TTK: variants seen among roughly 807,000 people sequenced by gnomAD.
TTK encodes TTK protein kinase, also known as dual specificity protein kinase TTK.
Under a neutral mutation model 117.3 loss-of-function variants are expected in TTK, and 59 were observed. That is an observed-to-expected ratio of 0.50 (90% CI 0.41 to 0.62). TTK has a LOEUF of 0.62. Ranked by LOEUF, TTK falls within the 20% of genes least tolerant of loss-of-function variation. The pLI is 0.00. For synonymous variants in TTK, 302 were observed against 325.0 expected (o/e 0.93, Z 0.76); for missense variants, 921 against 989.4 (o/e 0.93, Z 0.93).
In TTK at chr6:80,007,991, A is replaced by ACCAT; in HGVS notation, c.322_323insCCAT (p.Ser108ThrfsTer5). 8.8e-6 allele frequency: 14 copies of ACCAT among 1,591,520 alleles called. No individual in the cohort carries two copies. Among genetic ancestry groups the ACCAT allele is most frequent in the African/African-American group, 1.3e-5 (1 of 74,520 alleles). On this transcript the variant is annotated frameshift_variant, in exon 3 of 22. Coordinates refer to ENST00000369798, the MANE Select transcript of TTK (RefSeq NM_003318.5). LOFTEE classifies it high-confidence loss of function. The stretch of plus-strand genomic sequence containing the variant: ...CCCAGATAAATATGGCCAAAATGAG[A>ACCAT]GTTTTGCTAGAATTCAAGTGAGATT...
intron 10 of TTK, among the ~76,000 whole-genome samples, chr6:80,019,251 C>T (rs1767396130): frequency 6.6e-6 from 1 of 152,098 alleles, no homozygotes; most frequent in Admixed American, 6.5e-5. Flanking sequence ...TTGTAACTGA[C>T]TTAAGTCCGG....
intron 9 of TTK, 113 bp from the exon 10 acceptor site, chr6:80,014,350 A>G (rs1767246907): frequency 7.9e-6 from 7 of 885,546 alleles, no homozygotes; most frequent in Non-Finnish European, 1.1e-5. Context: ...TAATTATAAT[A>G]GAAAATTTTA....
chr6:80,011,105 A>C, intron 5 of TTK, 148 bp downstream of exon 5: 1 of 1,080,874 alleles, frequency 9.3e-7, no homozygotes, highest in East Asian at 2.8e-5. Context: ...AGAAGTAAAA[A>C]AGTCTCTACA....
rs1251916118 is a variant in TTK at position 80,042,112 on chromosome 6, A to AT, written c.2491-4dup. 1.6e-5 allele frequency: 25 copies of AT among 1,543,152 alleles called. No homozygotes were observed. The highest frequency in any genetic ancestry group is 2.2e-5 in the Non-Finnish European group (25 of 1,142,282). On this transcript the variant is annotated splice_region_variant and splice_polypyrimidine_tract_variant and intron_variant, in intron 21 of 21. Coordinates refer to ENST00000369798, the MANE Select transcript of TTK (RefSeq NM_003318.5). The stretch of plus-strand genomic sequence containing the variant: ...TTGCAAAACAGATTTGTGTTTTTTA[A>AT]TTTCAGACTTTATATGAACACTATA...
At chr6:80,029,039 CT>C (rs1293231286) in intron 13 of TTK, among the ~76,000 whole-genome samples, 1 of 152,072 alleles carries the variant, frequency 6.6e-6, no homozygotes, top group African/African-American at 2.4e-5. Context: ...GAGCATGACA[CT>C]TAGTAAATCA....
In TTK at chr6:80,008,443, G is replaced by A; in HGVS notation, c.420G>A (p.Lys140=). The A allele has an allele frequency of 6.2e-7, 1 of 1,612,378 alleles. No homozygotes were observed. The highest frequency in any genetic ancestry group is 8.5e-7 in the Non-Finnish European group (1 of 1,179,138). Residue 140 remains lysine (K), a synonymous_variant, in exon 4 of 22, where the codon AAG becomes AAA. Transcript: ENST00000369798. ...TTCAAATGGCCAGAGCAAACTGCAA[G>A]AAATTTGCTTTTGTTCATATATCTT... The part of the protein sequence containing the change: ...DYFQMARANC[K]KFAFVHISFA...
At chr6:80,040,975 A>G (rs1768034763) in intron 21 of TTK, among the ~76,000 whole-genome samples, 1 of 151,954 alleles carries the variant, frequency 6.6e-6, no homozygotes, top group Non-Finnish European at 1.5e-5. Flanking sequence ...TACATTTAAT[A>G]TAGGAATATA....
chr6:80,030,440 A>ATGAGTTCT (rs750248961), intron 13 of TTK, among the ~76,000 whole-genome samples: 95 of 152,328 alleles, frequency 6.2e-4, no homozygotes, highest in Admixed American at 1.9e-3. Flanking sequence ...GGCTGTATTA[A>ATGAGTTCT]TGAGTTCTTA....
intron 21 of TTK, among the ~76,000 whole-genome samples, chr6:80,041,779 A>G (rs1324640474): frequency 6.6e-6 from 1 of 151,330 alleles, no homozygotes; most frequent in Non-Finnish European, 1.5e-5. Context: ...GTTTCCTAAT[A>G]AATATATTTT....
rs377056446 is a variant in TTK, at chr6:80,027,874, A to G, written c.1395-11A>G. On this transcript the variant is annotated splice_polypyrimidine_tract_variant and intron_variant, in intron 12 of 21. Transcript: ENST00000369798. ...TAATGTTTTAAATAAAAATATATAT[A>G]TATTTCCTAGTTTTAGAACTCCAGT... 9 of 1,525,032 alleles carry G rather than the reference A, an allele frequency of 5.9e-6. No homozygotes were observed. Among genetic ancestry groups the G allele is most frequent in the African/African-American group, 5.6e-5 (4 of 71,216 alleles). 94.5% of individuals were successfully genotyped at this position (1,525,032 alleles called of 1,614,324 possible).
rs768996038 is a variant in TTK, at chr6:80,042,192, GA to G, written c.2571del (p.Lys857AsnfsTer36). On this transcript the variant is annotated frameshift_variant, in exon 22 of 22. Coordinates refer to ENST00000369798, the MANE Select transcript of TTK (RefSeq NM_003318.5). LOFTEE classifies it high-confidence loss of function. Reference protein sequence around the residue: ...SSSKTFEKKRGKK With the variant: ...SSSKTFEKKRXKK ...TCCAAGACTTTTGAAAAAAAAAGGGGAAAAAAATGATTTGCAGTTATTCGTA... is the reference window on the plus strand; with the variant it reads ...TCCAAGACTTTTGAAAAAAAAAGGGGAAAAAATGATTTGCAGTTATTCGTA... The G allele has an allele frequency of 1.7e-5, 27 of 1,593,796 alleles. No individual in the cohort carries two copies. Among genetic ancestry groups the G allele is most frequent in the South Asian group, 2.3e-5 (2 of 88,262 alleles).
At chr6:80,015,063 G>A (rs1446054930) in intron 10 of TTK, among the ~76,000 whole-genome samples, 3 of 152,110 alleles carry the variant, frequency 2.0e-5, no homozygotes, top group Non-Finnish European at 4.4e-5. Context: ...TGTCATGAGA[G>A]CCACATAAAT....
intron 14 of TTK, among the ~76,000 whole-genome samples, chr6:80,034,311 A>G (rs1767835837): frequency 6.6e-6 from 1 of 152,116 alleles, no homozygotes; most frequent in African/African-American, 2.4e-5. Context: ...CACAACTCTG[A>G]CACTATCTCT....
intron 20 of TTK, 146 bp from the exon 21 acceptor site, chr6:80,040,460 T>C: frequency 6.9e-6 from 6 of 865,260 alleles, no homozygotes; most frequent in South Asian, 2.2e-5. Flanking sequence ...TTACTTCTGG[T>C]ATTTATTTTT....
At position 80,011,740 on chromosome 6, in the gene TTK, C is replaced by T; in HGVS notation, c.740C>T (p.Pro247Leu). Reference sequence around the variant, plus strand: ...TTCTTTCTGTTTAGAGAGAACATGCCACCACAAGATGCAGAAATAGGTTAC... The same window carrying T: ...TTCTTTCTGTTTAGAGAGAACATGCTACCACAAGATGCAGAAATAGGTTAC... ...KARFLYGENM[P>L]PQDAEIGYRN... Residue 247 changes from proline to leucine, a missense_variant, in exon 7 of 22, where the codon CCA (proline) becomes CTA (leucine). Coordinates refer to ENST00000369798, the MANE Select transcript of TTK (RefSeq NM_003318.5). 6.2e-7 allele frequency: 1 copy of T among 1,612,408 alleles called. No homozygotes were observed. Among genetic ancestry groups the T allele is most frequent in the Non-Finnish European group, 8.5e-7 (1 of 1,179,140 alleles).
At chr6:80,034,843 C>T in intron 14 of TTK, 142 bp from the exon 15 acceptor site, 1 of 660,840 alleles carries the variant, frequency 1.5e-6, no homozygotes. Context: ...CTTCTACACT[C>T]AAAATAGGCC....
intron 14 of TTK, among the ~76,000 whole-genome samples, chr6:80,033,358 C>G (rs753864032): frequency 6.6e-6 from 1 of 152,180 alleles, no homozygotes; most frequent in Non-Finnish European, 1.5e-5. Context: ...CTTCAACTCC[C>G]ACCTTTCAAT....
chr6:80,040,329 A>C, intron 20 of TTK, 49 bp downstream of exon 20: 1 of 1,421,782 alleles, frequency 7.0e-7, no homozygotes, highest in Non-Finnish European at 9.6e-7. Flanking sequence ...TAGTATAAAC[A>C]GTCTGTTACC....
At chr6:80,014,367 A>G (rs1230072035) in intron 9 of TTK, 96 bp from the exon 10 acceptor site, 9 of 1,131,328 alleles carry the variant, frequency 8.0e-6, no homozygotes, top group Non-Finnish European at 1.1e-5. Context: ...TTTATGAGCA[A>G]TCCATGTATA....
Sources: gnomAD v4.1 joint callset for allele counts (sites outside exome capture counted in the v4.1 genomes callset) on GRCh38, gnomAD v4.1.1 for gene constraint, MANE v1.5 for transcripts, NCBI Gene and HGNC (gene_info 2026-07-23, HGNC 2026-07-21) for gene names.